The following ATP2C2 variants were observed in gnomAD, a reference collection of about 807,000 sequenced individuals.
ATP2C2 encodes the protein ATPase secretory pathway Ca2+ transporting 2.
In ATP2C2, 171 loss-of-function variants were observed where a neutral mutation model predicts 110.8. The ratio of observed to expected loss-of-function variants is 1.54; its 90% CI spans 1.36 to 1.75. ATP2C2 has a LOEUF of 1.75. Ranked by LOEUF, ATP2C2 falls within the 40% of genes most tolerant of loss-of-function variation. The pLI is 0.00. For synonymous variants in ATP2C2, 804 were observed against 508.4 expected, an observed-to-expected ratio of 1.58 and a Z score of -7.82; for missense variants, 1,963 against 1,235.0, an observed-to-expected ratio of 1.59 and a Z score of -8.84.
chr16:84,432,482 T>G (rs1414825495), intron 11 of ATP2C2, among the ~76,000 whole-genome samples: 1 of 151,810 alleles, frequency 6.6e-6, no homozygotes, highest in Non-Finnish European at 1.5e-5. Flanking sequence ...TGTCCATGTA[T>G]TCTCATTGTT....
At chr16:84,452,214 C>G in intron 18 of ATP2C2, 123 bp downstream of exon 18, 1 of 1,196,762 alleles carries the variant, frequency 8.4e-7, no homozygotes, top group East Asian at 2.5e-5. Flanking sequence ...GCCCTACAGG[C>G]TTAGAAAAGA....
intron 1 of ATP2C2, among the ~76,000 whole-genome samples, chr16:84,381,263 A>G (rs968573387): frequency 1.3e-5 from 2 of 152,204 alleles, no homozygotes; most frequent in Non-Finnish European, 2.9e-5. Flanking sequence ...GAAACAAATC[A>G]CAATGGTGGA....
intron 1 of ATP2C2, among the ~76,000 whole-genome samples, chr16:84,370,313 C>T (rs1016940215): frequency 6.6e-6 from 1 of 152,224 alleles, no homozygotes; most frequent in African/African-American, 2.4e-5. Flanking sequence ...TCAGCAGCAT[C>T]CTGAGGCCCT....
chr16:84,432,789 G>A (rs551002647), intron 11 of ATP2C2, among the ~76,000 whole-genome samples: 1 of 152,180 alleles, frequency 6.6e-6, no homozygotes, highest in East Asian at 1.9e-4. Flanking sequence ...CCAAAGTGCT[G>A]GGATTACAGG....
At chr16:84,410,070 A>G (rs772331058) in intron 4 of ATP2C2, among the ~76,000 whole-genome samples, 1 of 152,106 alleles carries the variant, frequency 6.6e-6, no homozygotes, top group South Asian at 2.1e-4. Context: ...TTAGCAGGGC[A>G]TGGTGGCATG....
intron 11 of ATP2C2, 38 bp downstream of exon 11, chr16:84,425,839 G>A (rs1373710336): frequency 6.2e-7 from 1 of 1,603,448 alleles, no homozygotes; most frequent in Admixed American, 1.7e-5. Flanking sequence ...TTGCCAGGGT[G>A]GTCAATGGGC....
At position 84,411,475 on chromosome 16, in the gene ATP2C2, T is replaced by C. The variant is rs1597787117; in HGVS notation, c.515+710T>C. Among the ~76,000 whole-genome samples, 4 of 152,344 alleles carry C rather than the reference T, an allele frequency of 2.6e-5. No homozygotes were observed. The East Asian group carries it at 7.7e-4, about 29-fold the overall frequency. On this transcript the variant is annotated intron_variant, in intron 6 of 26. Transcript: ENST00000262429. Reference sequence around the variant, plus strand: ...GTTGTTTTTTAAGATAGAGTCTTGCTCTGTCGCCCAGGCTGGAGTGCAGTG... The same window carrying C: ...GTTGTTTTTTAAGATAGAGTCTTGCCCTGTCGCCCAGGCTGGAGTGCAGTG...
At chr16:84,423,103 A>C in intron 9 of ATP2C2, 85 bp from the exon 10 acceptor site, 1 of 1,186,760 alleles carries the variant, frequency 8.4e-7, no homozygotes, top group Non-Finnish European at 1.3e-6. Flanking sequence ...CTGAAGCTGT[A>C]GGATGGCAAG....
intron 26 of ATP2C2, 133 bp from the exon 27 acceptor site, chr16:84,463,481 C>A (rs1272805142): frequency 4.1e-6 from 3 of 728,652 alleles, no homozygotes; most frequent in Non-Finnish European, 7.1e-6. Context: ...GATCTCCCTG[C>A]CTTCAGGGGA....
intron 11 of ATP2C2, among the ~76,000 whole-genome samples, chr16:84,435,267 T>C (rs1397212499): frequency 6.6e-6 from 1 of 152,242 alleles, no homozygotes; most frequent in African/African-American, 2.4e-5. Flanking sequence ...GTGTTACTGA[T>C]TAATTGGCAG....
chr16:84,378,834 C>T (rs1326740117), intron 1 of ATP2C2, among the ~76,000 whole-genome samples: 1 of 152,324 alleles, frequency 6.6e-6, no homozygotes, highest in East Asian at 1.9e-4. Context: ...AAGCCATGAA[C>T]GTGGAGCCGG....
intron 16 of ATP2C2, among the ~76,000 whole-genome samples, chr16:84,447,876 A>T (rs897099072): frequency 2.4e-4 from 33 of 135,786 alleles, no homozygotes; most frequent in African/African-American, 8.4e-4. Context: ...TAATATGTTA[A>T]TTACATATTA....
intron 6 of ATP2C2, among the ~76,000 whole-genome samples, chr16:84,411,669 T>G (rs1043510200): frequency 1.3e-5 from 2 of 152,236 alleles, no homozygotes; most frequent in Admixed American, 1.3e-4. Context: ...CTCGACCTCC[T>G]GACCTCAGAT....
rs58934576 is a variant in ATP2C2, at chr16:84,397,655, C to CAAAAAAAAAAA, written c.100-836_100-826dup. ...CACCACTGCACTCCAGCCTGGGTGA[C>CAAAAAAAAAAA]AAAAAAAAAAAAAAAAAACTTGCTT... is the stretch of plus-strand genomic sequence containing the variant. On this transcript the variant is annotated intron_variant, in intron 1 of 26. Transcript: ENST00000262429. 8.6e-3 allele frequency among the ~76,000 whole-genome samples: 548 copies of CAAAAAAAAAAA among 63,428 alleles called. 55 individuals are homozygous for CAAAAAAAAAAA. The highest frequency in any genetic ancestry group is 0.017 in the African/African-American group (395 of 22,672). 41.6% of individuals were successfully genotyped at this position (63,428 alleles called of 152,430 possible). A position where few individuals can be genotyped will look rare whatever the true frequency, so the allele number is the denominator to read the frequency against.
chr16:84,440,762 C>T, intron 13 of ATP2C2, 95 bp from the exon 14 acceptor site: 2 of 889,382 alleles, frequency 2.2e-6, no homozygotes, highest in Non-Finnish European at 1.8e-6. Context: ...AGGATTGTGT[C>T]CCTGGAATGG....
intron 15 of ATP2C2, among the ~76,000 whole-genome samples, chr16:84,445,200 G>A (rs1015168786): frequency 6.6e-6 from 1 of 150,512 alleles, no homozygotes; most frequent in African/African-American, 2.4e-5. Context: ...CCTCTGCGCA[G>A]CGTTTTCCTC....
At position 84,461,695 on chromosome 16, in the gene ATP2C2, C is replaced by G. The variant is rs12931468; in HGVS notation, c.2482-19C>G. The stretch of plus-strand genomic sequence containing the variant: ...TGTCTCTTCCCGCCTAACCTCTCAC[C>G]TTTGTGCTCACCTTCCAGATGCCTG... On this transcript the variant is annotated intron_variant, in intron 24 of 26. Transcript: ENST00000262429. The G allele has an allele frequency of 0.053, 85,906 of 1,608,896 alleles. 3,666 individuals are homozygous for G. Among genetic ancestry groups the G allele is most frequent in the South Asian group, 0.2 (17,961 of 90,980 alleles).
At chr16:84,377,110 G>T (rs1910294458) in intron 1 of ATP2C2, among the ~76,000 whole-genome samples, 1 of 152,144 alleles carries the variant, frequency 6.6e-6, no homozygotes, top group Non-Finnish European at 1.5e-5. Flanking sequence ...TGAGTGAGTA[G>T]TGGAAGCCGT....
intron 20 of ATP2C2, 25 bp downstream of exon 20, chr16:84,453,396 G>A: frequency 6.2e-7 from 1 of 1,613,820 alleles, no homozygotes; most frequent in Non-Finnish European, 8.5e-7. Flanking sequence ...GCAGGCACAG[G>A]CTGCGCTGCT....
Sources: gnomAD v4.1 joint callset for allele counts (sites outside exome capture counted in the v4.1 genomes callset) on GRCh38, gnomAD v4.1.1 for gene constraint, MANE v1.5 for transcripts, NCBI Gene and HGNC (gene_info 2026-07-23, HGNC 2026-07-21) for gene names.